SRBD1: variants seen among roughly 807,000 people sequenced by gnomAD.
The protein encoded by SRBD1 is S1 RNA binding domain 1.
In SRBD1, 88 loss-of-function variants were observed where a neutral mutation model predicts 115.3. The ratio of observed to expected loss-of-function variants is 0.76; its 90% CI spans 0.64 to 0.91. The LOEUF (loss-of-function observed/expected upper bound fraction) is 0.91. Among genes scored for constraint, SRBD1 ranks in the 40% least tolerant of loss-of-function variants. The pLI, the probability that SRBD1 is intolerant of heterozygous loss-of-function variation, is 0.00. For synonymous variants in SRBD1, 509 were observed against 407.7 expected, an observed-to-expected ratio of 1.25 and a Z score of -2.99; for missense variants, 1,385 against 1,177.4, an observed-to-expected ratio of 1.18 and a Z score of -2.58.
intron 1 of SRBD1, among the ~76,000 whole-genome samples, chr2:45,606,482 T>TA (rs1206554693): frequency 6.6e-6 from 1 of 152,170 alleles, no homozygotes; most frequent in African/African-American, 2.4e-5. Flanking sequence ...TCTTAATGAA[T>TA]AAAGTAGAGG....
rs775001781 is a variant in SRBD1, at chr2:45,599,794, T to C, written c.303A>G (p.Arg101=). 1.2e-6 allele frequency: 2 copies of C among 1,613,960 alleles called. No homozygotes were observed. The highest frequency in any genetic ancestry group is 1.7e-6 in the Non-Finnish European group (2 of 1,180,008). ...VAIADTALED[R]KNKLDTVQTL... ...TCTGTACAGTATCCAATTTATTTTTTCTGTCTTCTAAAGCAGTATCAGCAA... is the reference window on the plus strand; with the variant it reads ...TCTGTACAGTATCCAATTTATTTTTCCTGTCTTCTAAAGCAGTATCAGCAA... Residue 101 remains arginine (R), a synonymous_variant, in exon 4 of 21, where the codon AGA becomes AGG. Transcript: ENST00000263736.
At chr2:45,585,425 A>G (rs901056312) in intron 5 of SRBD1, among the ~76,000 whole-genome samples, 183 bp downstream of exon 5, 2 of 152,216 alleles carry the variant, frequency 1.3e-5, no homozygotes, top group Non-Finnish European at 2.9e-5. Flanking sequence ...TGCTCAAGCT[A>G]TGCATAAACA....
intron 14 of SRBD1, among the ~76,000 whole-genome samples, chr2:45,517,640 AT>A (rs1198347179): frequency 2.4e-4 from 36 of 152,126 alleles, no homozygotes; most frequent in Admixed American, 2.4e-3. Flanking sequence ...GGTCAATTTT[AT>A]TCAGTTTATA....
chr2:45,568,416 G>T (rs1268932462), intron 9 of SRBD1, among the ~76,000 whole-genome samples: 1 of 152,174 alleles, frequency 6.6e-6, no homozygotes, highest in Non-Finnish European at 1.5e-5. Flanking sequence ...TCAGATTTAG[G>T]ACATGAGGTC....
chr2:45,414,111 C>G (rs1667688548), intron 18 of SRBD1, among the ~76,000 whole-genome samples: 1 of 152,064 alleles, frequency 6.6e-6, no homozygotes, highest in East Asian at 1.9e-4. Flanking sequence ...CATCAGATGT[C>G]AGAACATAGT....
intron 19 of SRBD1, among the ~76,000 whole-genome samples, chr2:45,393,508 G>A (rs1667062695): frequency 6.6e-6 from 1 of 152,134 alleles, no homozygotes; most frequent in South Asian, 2.1e-4. Context: ...AGCCTCCCGA[G>A]TAGCTGGGAC....
chr2:45,590,279 G>A (rs539034390), intron 4 of SRBD1, among the ~76,000 whole-genome samples: 22 of 152,292 alleles, frequency 1.4e-4, no homozygotes, highest in Non-Finnish European at 2.9e-4. Flanking sequence ...ACTAACTCTG[G>A]GAGGAACTCA....
intron 16 of SRBD1, among the ~76,000 whole-genome samples, chr2:45,455,178 A>G (rs1017749531): frequency 2.0e-5 from 3 of 151,928 alleles, no homozygotes; most frequent in African/African-American, 7.2e-5. Context: ...TTTTAAGAGA[A>G]TATATTCTGA....
intron 14 of SRBD1, among the ~76,000 whole-genome samples, chr2:45,515,881 A>T (rs1671103269): frequency 6.6e-6 from 1 of 152,158 alleles, no homozygotes; most frequent in Non-Finnish European, 1.5e-5. Context: ...TCATAAATTC[A>T]CCTTTTCATA....
intron 14 of SRBD1, among the ~76,000 whole-genome samples, chr2:45,513,480 C>T (rs898895335): frequency 1.3e-5 from 2 of 150,190 alleles, no homozygotes; most frequent in African/African-American, 2.4e-5. Flanking sequence ...AGCACTGAGA[C>T]AAATTCTCTT....
chr2:45,461,736 T>C (rs1196151686), intron 16 of SRBD1, among the ~76,000 whole-genome samples: 3 of 152,182 alleles, frequency 2.0e-5, no homozygotes, highest in Non-Finnish European at 4.4e-5. Flanking sequence ...TGCTTAAAAA[T>C]GCATCCTACA....
intron 14 of SRBD1, among the ~76,000 whole-genome samples, chr2:45,515,125 GT>G (rs1671080337): frequency 6.6e-6 from 1 of 152,168 alleles, no homozygotes; most frequent in Non-Finnish European, 1.5e-5. Context: ...ACAAGAGAGA[GT>G]AGAAGAAATT....
intron 16 of SRBD1, among the ~76,000 whole-genome samples, chr2:45,473,554 C>T (rs1055881229): frequency 6.6e-6 from 1 of 152,186 alleles, no homozygotes; most frequent in African/African-American, 2.4e-5. Context: ...TTATTTTCCA[C>T]TCACACTAAA....
chr2:45,402,178 C>T (rs1205073830), intron 19 of SRBD1, among the ~76,000 whole-genome samples: 2 of 152,134 alleles, frequency 1.3e-5, no homozygotes, highest in Admixed American at 6.6e-5. Context: ...AGTTAGGAAT[C>T]TTTATATTCA....
chr2:45,574,423 G>C (rs577211285), intron 8 of SRBD1, among the ~76,000 whole-genome samples: 1 of 152,190 alleles, frequency 6.6e-6, no homozygotes, highest in South Asian at 2.1e-4. Flanking sequence ...AGAGTTCCAG[G>C]CTCCCTGTCC....
chr2:45,552,930 A>C (rs757301790), intron 11 of SRBD1, among the ~76,000 whole-genome samples: 13 of 152,202 alleles, frequency 8.5e-5, no homozygotes, highest in Non-Finnish European at 1.6e-4. Flanking sequence ...GATGGCTACA[A>C]AACTACAGTT....
chr2:45,422,843 CTG>C (rs1010719463), intron 16 of SRBD1, among the ~76,000 whole-genome samples: 3 of 152,158 alleles, frequency 2.0e-5, no homozygotes, highest in Admixed American at 2.0e-4. Context: ...TTCTCAGCAA[CTG>C]TAATATTTTA....
At chr2:45,610,695 T>C (rs1039250953) in intron 1 of SRBD1, among the ~76,000 whole-genome samples, 1 of 152,166 alleles carries the variant, frequency 6.6e-6, no homozygotes, top group African/African-American at 2.4e-5. Context: ...GTGCAGTTGA[T>C]TCAGACAGGG....
intron 16 of SRBD1, among the ~76,000 whole-genome samples, chr2:45,445,550 TAAAAAAAAAAAAAAAAA>T (rs59451865): frequency 1.6e-4 from 6 of 37,026 alleles, no homozygotes; most frequent in East Asian, 2.0e-3. Context: ...TTCCCAGAGG[TAAAAAAAAAAAAAAAAA>T]AAAAAAAAAA....
Sources: allele counts gnomAD v4.1 joint callset (sites outside exome capture counted in the v4.1 genomes callset), GRCh38; gene constraint gnomAD v4.1.1; transcripts MANE v1.5; gene names NCBI Gene and HGNC (gene_info 2026-07-23, HGNC 2026-07-21).